The following RTTN variants were observed in gnomAD, a reference collection of about 807,000 sequenced individuals.
The protein encoded by RTTN is rotatin.
RTTN carries 182 observed loss-of-function variants against 269.2 expected under a neutral mutation model. That is an observed-to-expected ratio of 0.68 (90% CI 0.60 to 0.76). RTTN has a LOEUF of 0.76. Ranked by LOEUF, RTTN falls within the 30% of genes least tolerant of loss-of-function variation. RTTN has a pLI of 0.00. For synonymous variants in RTTN, 1,006 were observed against 963.5 expected (o/e 1.04, Z -0.82); for missense variants, 2,545 against 2,608.6 (o/e 0.98, Z 0.53).
At chr18:70,167,789 C>T (rs538677136) in intron 12 of RTTN, among the ~76,000 whole-genome samples, 6 of 150,758 alleles carry the variant, frequency 4.0e-5, no homozygotes, top group South Asian at 2.1e-4. Context: ...GACAGTGGTA[C>T]TAACATGGCA....
At chr18:70,024,532 G>A (rs943441829) in intron 44 of RTTN, among the ~76,000 whole-genome samples, 190 bp downstream of exon 44, 1 of 152,158 alleles carries the variant, frequency 6.6e-6, no homozygotes, top group African/African-American at 2.4e-5. Flanking sequence ...ACTCTCTCAT[G>A]TCAACAAACA....
chr18:70,070,059 T>A (rs1419800352), intron 34 of RTTN, among the ~76,000 whole-genome samples: 1 of 152,220 alleles, frequency 6.6e-6, no homozygotes, highest in African/African-American at 2.4e-5. Context: ...TCAAATGGAT[T>A]ATGTACAATA....
intron 23 of RTTN, among the ~76,000 whole-genome samples, chr18:70,132,425 A>G (rs1012979424): frequency 1.3e-5 from 2 of 152,032 alleles, no homozygotes; most frequent in African/African-American, 4.8e-5. Context: ...AACAAACTCT[A>G]AAGAATTAAA....
At chr18:70,110,683 T>C (rs2059441240) in intron 27 of RTTN, among the ~76,000 whole-genome samples, 1 of 152,130 alleles carries the variant, frequency 6.6e-6, no homozygotes, top group Non-Finnish European at 1.5e-5. Flanking sequence ...CATACCCCAG[T>C]GGCGCCTGGA....
At chr18:70,111,392 C>G (rs28867502) in intron 27 of RTTN, among the ~76,000 whole-genome samples, 15,416 of 152,188 alleles carry the variant, frequency 0.1, 1,679 homozygotes, top group African/African-American at 0.28. Context: ...TGTTCTGCAG[C>G]CTCCGCTGGC....
intron 9 of RTTN, among the ~76,000 whole-genome samples, chr18:70,189,654 T>C (rs2061625259): frequency 6.6e-6 from 1 of 152,194 alleles, no homozygotes; most frequent in East Asian, 1.9e-4. Flanking sequence ...TCAGGCAAGT[T>C]TCTAAACCAC....
chr18:70,123,033 A>G (rs900730622), intron 25 of RTTN, among the ~76,000 whole-genome samples: 1 of 152,110 alleles, frequency 6.6e-6, no homozygotes, highest in Non-Finnish European at 1.5e-5. Flanking sequence ...TTTGCCTGGC[A>G]TTTAAAAAAA....
At chr18:70,087,509 T>C (rs2058732091) in intron 31 of RTTN, among the ~76,000 whole-genome samples, 1 of 152,060 alleles carries the variant, frequency 6.6e-6, no homozygotes, top group African/African-American at 2.4e-5. Flanking sequence ...TGATTATTGT[T>C]TTAAAACCAT....
intron 46 of RTTN, among the ~76,000 whole-genome samples, chr18:70,013,988 T>C (rs2056469824): frequency 6.6e-6 from 1 of 152,230 alleles, no homozygotes; most frequent in Non-Finnish European, 1.5e-5. Context: ...TATCTTCTAA[T>C]TCCTAAGTTC....
intron 6 of RTTN, among the ~76,000 whole-genome samples, chr18:70,197,162 T>C (rs972608893): frequency 4.6e-5 from 7 of 152,298 alleles, no homozygotes; most frequent in Admixed American, 2.0e-4. Flanking sequence ...TGTGAAGATG[T>C]TGCAATTCCC....
chr18:70,103,066 A>C lies in RTTN; in HGVS notation c.3903+6432T>G, dbSNP rs546556782. On this transcript the variant is annotated intron_variant, in intron 28 of 48. Coordinates refer to ENST00000640769, the MANE Select transcript of RTTN (RefSeq NM_173630.4). ...CAGCTGTCCCGTCTGGGAAGTGAGG[A>C]GCGCCTCTGCCCGGCTGCCCCGTCT... is the stretch of plus-strand genomic sequence containing the variant. Among the ~76,000 whole-genome samples, 7 of 147,700 alleles carry C rather than the reference A, an allele frequency of 4.7e-5. No homozygotes were observed. In the South Asian group the frequency reaches 1.3e-3, roughly 27 times the overall value.
At chr18:70,094,462 C>G (rs1042567799) in intron 28 of RTTN, among the ~76,000 whole-genome samples, 2 of 152,122 alleles carry the variant, frequency 1.3e-5, no homozygotes, top group Admixed American at 6.6e-5. Context: ...TAGCTGTGTC[C>G]CAGAGATTCT....
chr18:70,172,183 C>T (rs963255346), intron 11 of RTTN, among the ~76,000 whole-genome samples: 13 of 152,156 alleles, frequency 8.5e-5, no homozygotes, highest in East Asian at 1.9e-4. Context: ...AGATTACCAA[C>T]GTATCATTTT....
intron 25 of RTTN, among the ~76,000 whole-genome samples, chr18:70,124,325 A>C (rs1412096175): frequency 6.6e-6 from 1 of 152,054 alleles, no homozygotes; most frequent in Non-Finnish European, 1.5e-5. Context: ...ACTGTATACT[A>C]TGACTTATGC....
At chr18:70,163,372 C>T (rs547606130) in intron 14 of RTTN, among the ~76,000 whole-genome samples, 19 of 150,634 alleles carry the variant, frequency 1.3e-4, no homozygotes, top group African/African-American at 4.4e-4. Context: ...CACAGCGAGA[C>T]TCCATCTCAA....
chr18:70,190,489 C>A, intron 9 of RTTN, 49 bp downstream of exon 9: 2 of 1,442,518 alleles, frequency 1.4e-6, no homozygotes, highest in South Asian at 1.2e-5. Context: ...TAACGAAATA[C>A]AAAACAGACA....
intron 35 of RTTN, among the ~76,000 whole-genome samples, chr18:70,064,336 CAAAAAAAAAAAA>C (rs11308196): frequency 1.6e-5 from 1 of 61,718 alleles, no homozygotes; most frequent in African/African-American, 7.7e-5. Context: ...AGACTGCCTC[CAAAAAAAAAAAA>C]AAAAAAAAAA....
intron 5 of RTTN, among the ~76,000 whole-genome samples, chr18:70,198,067 G>T (rs1300333515): frequency 6.6e-6 from 1 of 152,322 alleles, no homozygotes; most frequent in Non-Finnish European, 1.5e-5. Context: ...TGAGGTCAAA[G>T]AGCACACAAT....
intron 32 of RTTN, among the ~76,000 whole-genome samples, chr18:70,081,718 A>C (rs555180948): frequency 6.6e-6 from 1 of 152,328 alleles, no homozygotes; most frequent in South Asian, 2.1e-4. Flanking sequence ...GCAAATATGT[A>C]AGACAAGTAT....
Sources: gnomAD v4.1 joint callset for allele counts (sites outside exome capture counted in the v4.1 genomes callset) on GRCh38, gnomAD v4.1.1 for gene constraint, MANE v1.5 for transcripts, NCBI Gene and HGNC (gene_info 2026-07-23, HGNC 2026-07-21) for gene names.